Variants in GPHN observed in about 807,000 individuals in gnomAD.
The protein encoded by GPHN is gephyrin.
In GPHN, 17 loss-of-function variants were observed where a neutral mutation model predicts 95.5. That is an observed-to-expected ratio of 0.18 (90% CI 0.12 to 0.27). The LOEUF (loss-of-function observed/expected upper bound fraction) is 0.27, where lower values mean the gene tolerates loss of function less well. GPHN is among the 10% of genes least tolerant of loss of function. The pLI is 1.00. For synonymous variants in GPHN, 320 were observed against 322.5 expected (o/e 0.99, Z 0.08); for missense variants, 660 against 978.1 (o/e 0.67, Z 4.34).
At chr14:67,556,025 C>A in the GPHN span, 2 of 1,165,770 alleles carry the variant, frequency 1.7e-6, no homozygotes, top group Non-Finnish European at 2.4e-6. Flanking sequence ...GTGCGTGGAG[C>A]TTTCTGTGGG....
At chr14:67,607,088 C>T in the GPHN span, among the ~76,000 whole-genome samples, 4 of 152,302 alleles carry the variant, frequency 2.6e-5, no homozygotes, top group Non-Finnish European at 5.9e-5. Flanking sequence ...TAGCAAGATT[C>T]TCAGGTGATA....
At chr14:67,496,391 GTTTTTTTTTTT>G in the GPHN span, among the ~76,000 whole-genome samples, 97 of 30,096 alleles carry the variant, frequency 3.2e-3, no homozygotes, top group African/African-American at 0.012. Flanking sequence ...CTGCTCCGGC[GTTTTTTTTTTT>G]TTTTTTTTTT....
intron 11 of GPHN, among the ~76,000 whole-genome samples, chr14:67,066,024 C>A (rs1432655925): frequency 6.6e-6 from 1 of 152,142 alleles, no homozygotes; most frequent in South Asian, 2.1e-4. Flanking sequence ...GCAGTTTCTT[C>A]ATAGCATTGA....
At chr14:66,804,864 C>T (rs72728662) in intron 3 of GPHN, among the ~76,000 whole-genome samples, 6,608 of 152,232 alleles carry the variant, frequency 0.043, 186 homozygotes, top group Middle Eastern at 0.068. Context: ...TACCCAGAAA[C>T]AGAACTCCTG....
the GPHN span, among the ~76,000 whole-genome samples, chr14:67,292,084 G>A: frequency 6.6e-6 from 1 of 152,096 alleles, no homozygotes. Context: ...TTATGGTTTA[G>A]CCATGTAATA....
intron 1 of GPHN, among the ~76,000 whole-genome samples, chr14:66,520,779 GGTT>G (rs2058448581): frequency 6.6e-6 from 1 of 151,846 alleles, no homozygotes; most frequent in South Asian, 2.1e-4. Context: ...ATGTCAGAGG[GGTT>G]GTTTTACAGA....
chr14:67,043,483 G>A (rs2074827559), intron 10 of GPHN, among the ~76,000 whole-genome samples: 1 of 152,154 alleles, frequency 6.6e-6, no homozygotes, highest in Non-Finnish European at 1.5e-5. Flanking sequence ...CATCTATTAA[G>A]ATAATCGTGT....
chr14:67,094,414 T>C (rs933511071), intron 12 of GPHN, among the ~76,000 whole-genome samples: 7 of 152,180 alleles, frequency 4.6e-5, no homozygotes, highest in African/African-American at 1.7e-4. Context: ...TTTTATCACT[T>C]CTTTCAAATT....
the GPHN span, among the ~76,000 whole-genome samples, chr14:67,272,973 C>A: frequency 1.3e-5 from 2 of 152,122 alleles, no homozygotes; most frequent in Non-Finnish European, 2.9e-5. Context: ...CACGCCTGGC[C>A]TGTAACCTTC....
chr14:67,051,015 G>T (rs1292819227), intron 10 of GPHN, among the ~76,000 whole-genome samples: 1 of 152,240 alleles, frequency 6.6e-6, no homozygotes, highest in Non-Finnish European at 1.5e-5. Context: ...CCCAGGCCTT[G>T]GTTCCCAAGC....
At chr14:67,131,480 A>G (rs1287628464) in intron 17 of GPHN, among the ~76,000 whole-genome samples, 2 of 152,182 alleles carry the variant, frequency 1.3e-5, no homozygotes, top group Non-Finnish European at 2.9e-5. Context: ...ACAACAGTCC[A>G]GAAGAATCTT....
chr14:66,915,989 C>A lies in GPHN; in HGVS notation c.390-14C>A. The A allele has an allele frequency of 6.6e-7, 1 of 1,516,734 alleles. No individual in the cohort carries two copies. Among genetic ancestry groups the A allele is most frequent in the East Asian group, 2.3e-5 (1 of 44,418 alleles). The allele number at this position is 1,516,734 out of a possible 1,614,324, so 94.0% of individuals were successfully genotyped here. On this transcript the variant is annotated splice_polypyrimidine_tract_variant and intron_variant, in intron 5 of 22. Coordinates refer to ENST00000478722, the MANE Select transcript of GPHN (RefSeq NM_020806.5). Reference sequence around the variant, plus strand: ...TAGCAATTTAGTGTTCATCTACTTTCTCTTTTCTTTCAGGCCTGTATGTGG... The same window carrying A: ...TAGCAATTTAGTGTTCATCTACTTTATCTTTTCTTTCAGGCCTGTATGTGG...
At chr14:67,007,032 C>G (rs1396969811) in intron 9 of GPHN, among the ~76,000 whole-genome samples, 1 of 152,022 alleles carries the variant, frequency 6.6e-6, no homozygotes, top group Non-Finnish European at 1.5e-5. Context: ...ATAATTGCCT[C>G]CAATATTTTA....
At chr14:67,151,254 A>T (rs1406906454) in intron 18 of GPHN, among the ~76,000 whole-genome samples, 1 of 152,228 alleles carries the variant, frequency 6.6e-6, no homozygotes, top group Admixed American at 6.5e-5. Flanking sequence ...TAAACACAGA[A>T]CCATAAATAT....
chr14:66,545,987 G>C (rs191685590), intron 1 of GPHN, among the ~76,000 whole-genome samples: 4 of 151,028 alleles, frequency 2.6e-5, no homozygotes, highest in Non-Finnish European at 4.4e-5. Flanking sequence ...GGCGGCTTCG[G>C]GGGGGAGGGG....
the GPHN span, among the ~76,000 whole-genome samples, chr14:67,716,619 C>A: frequency 6.6e-6 from 1 of 152,058 alleles, no homozygotes; most frequent in Non-Finnish European, 1.5e-5. Flanking sequence ...TGTGGTGGCT[C>A]ACACTTGTAA....
intron 12 of GPHN, 50 bp downstream of exon 12, chr14:67,089,125 CTTTTTTTCTTTTTTTTTTT>C (rs2077038025): frequency 3.7e-5 from 12 of 326,480 alleles, no homozygotes; most frequent in East Asian, 2.0e-4. Flanking sequence ...ATTTTTTTTT[CTTTTTTTCTTTTTTTTTTT>C]TTTTTTTTTT....
chr14:67,643,606 T>C, the GPHN span, among the ~76,000 whole-genome samples: 1 of 152,290 alleles, frequency 6.6e-6, no homozygotes, highest in Admixed American at 6.5e-5. Flanking sequence ...GGAGGATTGC[T>C]TGAGCCCAGG....
chr14:67,729,211 G>A, the GPHN span: 4 of 1,612,522 alleles, frequency 2.5e-6, no homozygotes, highest in Non-Finnish European at 3.4e-6. Flanking sequence ...CACCACCTAC[G>A]CAGTGCACCC....
Sources: allele counts gnomAD v4.1 joint callset (sites outside exome capture counted in the v4.1 genomes callset), GRCh38; gene constraint gnomAD v4.1.1; transcripts MANE v1.5; gene names NCBI Gene and HGNC (gene_info 2026-07-23, HGNC 2026-07-21).